Variants in ADGRV1 observed in about 807,000 individuals in gnomAD.
The protein encoded by ADGRV1 is G-protein coupled receptor 98.
Under a neutral mutation model 596.2 loss-of-function variants are expected in ADGRV1, and 359 were observed. The observed-to-expected ratio is 0.60, with a 90% CI of 0.55 to 0.66. ADGRV1 has a LOEUF of 0.66. ADGRV1 is among the 30% of genes least tolerant of loss of function. The probability of loss-of-function intolerance (pLI) is 0.00; values close to 1 mark genes in which losing one functional copy is unlikely to be tolerated. For missense variants in ADGRV1, 7,274 were observed against 7,575.6 expected, an observed-to-expected ratio of 0.96 and a Z score of 1.48; for synonymous variants, 2,681 against 2,679.2, an observed-to-expected ratio of 1.00 and a Z score of -0.02.
chr5:90,906,138 T>A (rs1423859932), intron 83 of ADGRV1, among the ~76,000 whole-genome samples: 1 of 152,126 alleles, frequency 6.6e-6, no homozygotes, highest in African/African-American at 2.4e-5. Flanking sequence ...GCTAGTATCT[T>A]ATTGAGGGTT....
chr5:90,665,144 G>A (rs1483218729), intron 21 of ADGRV1, among the ~76,000 whole-genome samples: 3 of 150,552 alleles, frequency 2.0e-5, no homozygotes, highest in Non-Finnish European at 4.4e-5. Flanking sequence ...AGTTAGGGAG[G>A]ATTCCCTCTT....
At chr5:90,774,100 A>G in intron 59 of ADGRV1, 86 bp from the exon 60 acceptor site, 1 of 576,188 alleles carries the variant, frequency 1.7e-6, no homozygotes, top group Non-Finnish European at 3.0e-6. Flanking sequence ...ATGATTATGG[A>G]CATAAACGTT....
intron 86 of ADGRV1, among the ~76,000 whole-genome samples, chr5:91,090,457 A>C (rs1790290083): frequency 6.6e-6 from 1 of 152,052 alleles, no homozygotes; most frequent in Admixed American, 6.6e-5. Flanking sequence ...TAGACCTGAC[A>C]CTGGACTGTC....
intron 87 of ADGRV1, among the ~76,000 whole-genome samples, chr5:91,133,688 A>G (rs943054054): frequency 2.0e-4 from 30 of 152,224 alleles, no homozygotes; most frequent in African/African-American, 6.5e-4. Flanking sequence ...ACGCAATGAG[A>G]TAGAAATCAC....
At chr5:90,561,683 C>A (rs966726631) in intron 1 of ADGRV1, among the ~76,000 whole-genome samples, 1 of 152,072 alleles carries the variant, frequency 6.6e-6, no homozygotes, top group East Asian at 1.9e-4. Flanking sequence ...ATTTTATGCA[C>A]CAGGTCTGAA....
chr5:91,075,041 T>C (rs990147402), intron 86 of ADGRV1, among the ~76,000 whole-genome samples: 3 of 152,328 alleles, frequency 2.0e-5, no homozygotes, highest in Non-Finnish European at 4.4e-5. Context: ...TGTTTGGTTT[T>C]TGCCTGTTCA....
intron 85 of ADGRV1, among the ~76,000 whole-genome samples, chr5:91,045,115 A>G (rs761267800): frequency 7.9e-5 from 12 of 152,182 alleles, no homozygotes; most frequent in Admixed American, 3.3e-4. Context: ...ATTCAAAAAG[A>G]AGAATTGGCA....
At chr5:90,759,695 G>GCCACCA in intron 58 of ADGRV1, 107 bp downstream of exon 58, 1 of 953,514 alleles carries the variant, frequency 1.0e-6, no homozygotes, top group Non-Finnish European at 1.6e-6. Flanking sequence ...GCCAGGCATG[G>GCCACCA]TGGCTCATGC....
intron 64 of ADGRV1, chr5:90,780,992 C>T (rs953136077): frequency 6.0e-6 from 1 of 166,828 alleles, no homozygotes; most frequent in African/African-American, 2.4e-5. Context: ...TCATGACACT[C>T]ACTATTTCTT....
In ADGRV1 at chr5:90,691,400, T is replaced by TTA. The variant is rs1298879263; in HGVS notation, c.6951+360_6951+361insAT. Among the ~76,000 whole-genome samples, 12 of 150,378 alleles carry TTA rather than the reference T, an allele frequency of 8.0e-5. 1 individual carries two copies. Among genetic ancestry groups the TTA allele is most frequent in the Non-Finnish European group, 1.3e-4 (9 of 67,638 alleles). Reference sequence around the variant, plus strand: ...AACTTTTTTCTTTTTTTTTTTTTTTTTGAGATGGAGTTTTACGCTTGTCGC... The same window carrying TTA: ...AACTTTTTTCTTTTTTTTTTTTTTTTTATGAGATGGAGTTTTACGCTTGTCGC... On this transcript the variant is annotated intron_variant, in intron 31 of 89. Transcript: ENST00000405460.
At chr5:90,598,723 A>T (rs1761028253) in intron 1 of ADGRV1, among the ~76,000 whole-genome samples, 1 of 152,276 alleles carries the variant, frequency 6.6e-6, no homozygotes, top group East Asian at 1.9e-4. Context: ...GAGCTCCAAG[A>T]GGTAAAAATG....
chr5:91,084,280 G>T (rs1789667327), intron 86 of ADGRV1, among the ~76,000 whole-genome samples: 1 of 151,854 alleles, frequency 6.6e-6, no homozygotes, highest in Non-Finnish European at 1.5e-5. Flanking sequence ...AAGAAATTTT[G>T]CCAATCACCC....
chr5:90,777,771 G>T, intron 61 of ADGRV1, 134 bp from the exon 62 acceptor site: 2 of 760,072 alleles, frequency 2.6e-6, no homozygotes, highest in Non-Finnish European at 4.1e-6. Flanking sequence ...TTATAGTTTG[G>T]TAAATGAGGT....
At chr5:90,829,312 C>A (rs1473166154) in intron 77 of ADGRV1, 126 bp downstream of exon 77, 4 of 837,610 alleles carry the variant, frequency 4.8e-6, no homozygotes, top group African/African-American at 1.7e-5. Flanking sequence ...ACTTTTTATT[C>A]ATTACATTAA....
At chr5:91,028,732 G>GTTTTTTTT (rs397998676) in intron 85 of ADGRV1, among the ~76,000 whole-genome samples, 3 of 95,912 alleles carry the variant, frequency 3.1e-5, no homozygotes, top group Non-Finnish European at 5.7e-5. Flanking sequence ...ACTAGACTCT[G>GTTTTTTTT]TTTTTTTTTT....
intron 50 of ADGRV1, among the ~76,000 whole-genome samples, chr5:90,735,143 G>GTAGTT (rs1480619042): frequency 6.6e-6 from 1 of 152,192 alleles, no homozygotes; most frequent in East Asian, 1.9e-4. Context: ...TTTTCACTGA[G>GTAGTT]TAGTTTATAA....
At chr5:90,596,804 GGGGAGAGGGCGAGGGCGA>G (rs1265663052) in intron 1 of ADGRV1, among the ~76,000 whole-genome samples, 5 of 152,010 alleles carry the variant, frequency 3.3e-5, no homozygotes, top group African/African-American at 1.2e-4. Flanking sequence ...GGGAGACCAT[GGGGAGAGGGCGAGGGCGA>G]GGGAGAGGGC....
intron 83 of ADGRV1, among the ~76,000 whole-genome samples, chr5:90,873,606 T>C (rs1581387940): frequency 6.6e-6 from 1 of 152,158 alleles, no homozygotes; most frequent in African/African-American, 2.4e-5. Flanking sequence ...ACTTTTAAAG[T>C]ATAGATTTCT....
rs1767500483 is a variant in ADGRV1 at position 90,644,824 on chromosome 5, T to C, written c.2853T>C (p.Asp951=). The change falls in exon 15 of 90, where the codon GAT becomes GAC. Residue 951 remains aspartate (D), a synonymous_variant. Coordinates refer to ENST00000405460, the MANE Select transcript of ADGRV1 (RefSeq NM_032119.4). ...FPVQGTVVFG[D]QEFSKNITIY... Reference sequence around the variant, plus strand: ...TACAAGGGACTGTTGTCTTTGGAGATCAGGAATTTTCAAAAAATATCACCA... The same window carrying C: ...TACAAGGGACTGTTGTCTTTGGAGACCAGGAATTTTCAAAAAATATCACCA... 2 of 1,608,700 alleles carry C rather than the reference T, an allele frequency of 1.2e-6. No homozygotes were observed. Among genetic ancestry groups the C allele is most frequent in the African/African-American group, 1.3e-5 (1 of 74,874 alleles).
Sources: gnomAD v4.1 joint callset for allele counts (sites outside exome capture counted in the v4.1 genomes callset) on GRCh38, gnomAD v4.1.1 for gene constraint, MANE v1.5 for transcripts, NCBI Gene and HGNC (gene_info 2026-07-23, HGNC 2026-07-21) for gene names.